Variants in NMU observed in about 807,000 individuals in gnomAD.
NMU encodes neuromedin U.
Under a neutral mutation model 35.4 loss-of-function variants are expected in NMU, and 29 were observed. The ratio of observed to expected loss-of-function variants is 0.82; its 90% CI spans 0.61 to 1.12. The LOEUF (loss-of-function observed/expected upper bound fraction) is 1.12, where lower values mean the gene tolerates loss of function less well. Among genes scored for constraint, NMU ranks in the 50% most tolerant of loss-of-function variants. The pLI is 0.00. For missense variants in NMU, 199 were observed against 206.2 expected, an observed-to-expected ratio of 0.97 and a Z score of 0.21; for synonymous variants, 78 against 81.3, an observed-to-expected ratio of 0.96 and a Z score of 0.22.
chr4:55,625,853 G>A (rs987957631), intron 2 of NMU, among the ~76,000 whole-genome samples: 1 of 151,546 alleles, frequency 6.6e-6, no homozygotes, highest in Non-Finnish European at 1.5e-5. Flanking sequence ...GTTGCTTCAA[G>A]TGCTGTAGTA....
chr4:55,627,002 T>C, intron 2 of NMU, among the ~76,000 whole-genome samples: 1 of 152,228 alleles, frequency 6.6e-6, no homozygotes, highest in Admixed American at 6.5e-5. Context: ...ACCAACTCCC[T>C]TTGGTCCTCA....
At chr4:55,635,029 C>G (rs1715832432) in intron 1 of NMU, among the ~76,000 whole-genome samples, 1 of 152,184 alleles carries the variant, frequency 6.6e-6, no homozygotes, top group Non-Finnish European at 1.5e-5. Context: ...ACTACAGGCT[C>G]TGCAGTTGTG....
chr4:55,610,726 A>G (rs1733898464), intron 3 of NMU, among the ~76,000 whole-genome samples: 1 of 152,240 alleles, frequency 6.6e-6, no homozygotes, highest in South Asian at 2.1e-4. Context: ...TCAATAAATT[A>G]TAAAACATTT....
At chr4:55,602,437 T>G (rs1029063117) in intron 7 of NMU, among the ~76,000 whole-genome samples, 1 of 152,208 alleles carries the variant, frequency 6.6e-6, no homozygotes, top group East Asian at 1.9e-4. Flanking sequence ...ACCCTTAAGA[T>G]CTATCATTTG....
chr4:55,615,089 T>C (rs1560520233), intron 3 of NMU, among the ~76,000 whole-genome samples: 5 of 152,200 alleles, frequency 3.3e-5, no homozygotes, highest in African/African-American at 7.2e-5. Flanking sequence ...GTAGGGAGTA[T>C]GCCGCAGGCG....
chr4:55,595,496 AT>A (rs1166205775), intron 9 of NMU, 85 bp from the exon 10 acceptor site: 1 of 149,168 alleles, frequency 6.7e-6, no homozygotes, highest in Non-Finnish European at 1.5e-5. Flanking sequence ...ATTTCTATAA[AT>A]ATTTTGTCAT....
chr4:55,615,370 G>A (rs1315441616), intron 3 of NMU, among the ~76,000 whole-genome samples: 1 of 152,198 alleles, frequency 6.6e-6, no homozygotes, highest in East Asian at 1.9e-4. Flanking sequence ...TCTCTGCCCT[G>A]TGGCTGAGAA....
At chr4:55,635,368 G>T (rs1191263169) in intron 1 of NMU, among the ~76,000 whole-genome samples, 2 of 152,178 alleles carry the variant, frequency 1.3e-5, no homozygotes, top group Admixed American at 6.5e-5. Flanking sequence ...AGCTCAGCAT[G>T]TCCCTATTGT....
intron 7 of NMU, among the ~76,000 whole-genome samples, chr4:55,602,504 G>A (rs1042848909): frequency 6.6e-6 from 1 of 152,094 alleles, no homozygotes; most frequent in African/African-American, 2.4e-5. Flanking sequence ...GTACTAAACT[G>A]GCCACAATAC....
chr4:55,605,686 A>G (rs569005274), intron 6 of NMU, among the ~76,000 whole-genome samples: 1 of 152,366 alleles, frequency 6.6e-6, no homozygotes, highest in East Asian at 1.9e-4. Context: ...GTCTGTTACT[A>G]GACTTACTCA....
intron 2 of NMU, among the ~76,000 whole-genome samples, chr4:55,625,445 T>C (rs1025433738): frequency 6.6e-6 from 1 of 152,204 alleles, no homozygotes. Flanking sequence ...AGCATGTACC[T>C]AGATATTCTA....
chr4:55,630,595 C>T (rs924378389), intron 1 of NMU, 135 bp from the exon 2 acceptor site: 24 of 717,728 alleles, frequency 3.3e-5, no homozygotes, highest in Non-Finnish European at 4.7e-5. Context: ...AATATTTCAG[C>T]ATTTGACTTA....
At chr4:55,615,787 C>A (rs907660648) in intron 3 of NMU, among the ~76,000 whole-genome samples, 2 of 152,144 alleles carry the variant, frequency 1.3e-5, no homozygotes, top group Non-Finnish European at 2.9e-5. Flanking sequence ...CTCCTCCCAC[C>A]TCCACCCTCT....
chr4:55,629,542 C>T (rs957341699), intron 2 of NMU, among the ~76,000 whole-genome samples: 1 of 147,642 alleles, frequency 6.8e-6, no homozygotes, highest in Non-Finnish European at 1.5e-5. Flanking sequence ...TCGCTTGAAC[C>T]CGGGAGGCGG....
intron 3 of NMU, among the ~76,000 whole-genome samples, chr4:55,609,889 G>T (rs2110194275): frequency 6.6e-6 from 1 of 152,294 alleles, no homozygotes; most frequent in African/African-American, 2.4e-5. Context: ...TATGCATTTT[G>T]GAAGTAATGA....
chr4:55,605,401 G>T (rs368641495), intron 6 of NMU, 52 bp from the exon 7 acceptor site: 2 of 1,252,078 alleles, frequency 1.6e-6, no homozygotes, highest in Non-Finnish European at 2.4e-6. Flanking sequence ...CTCAGCAGTG[G>T]CCATCAAGAC....
intron 9 of NMU, among the ~76,000 whole-genome samples, chr4:55,597,589 C>T (rs546203007): frequency 9.2e-5 from 14 of 152,130 alleles, no homozygotes; most frequent in Admixed American, 3.9e-4. Context: ...GCTGGTCAGG[C>T]TCCCGACCTC....
intron 3 of NMU, among the ~76,000 whole-genome samples, chr4:55,613,601 A>G (rs1285432371): frequency 6.6e-6 from 1 of 152,160 alleles, no homozygotes; most frequent in East Asian, 1.9e-4. Context: ...ATCCCCATTG[A>G]ATCACGCCCC....
chr4:55,636,205 G>C lies in NMU; in HGVS notation c.-13C>G. 2 of 1,478,788 alleles carry C rather than the reference G, an allele frequency of 1.4e-6. No individual in the cohort carries two copies. Among genetic ancestry groups the C allele is most frequent in the Admixed American group, 2.3e-5 (1 of 43,230 alleles). 91.6% of individuals were successfully genotyped at this position (1,478,788 alleles called of 1,614,324 possible). ...CTGTTCGCAGCATCTCGGCGGCTGC[G>C]GGAGGCTCGGTGCTAGGGACGCTGC... On this transcript the variant is annotated 5_prime_UTR_variant, in exon 1 of 10. Transcript: ENST00000264218. The surrounding 1 kb of genome is among the most constrained non-coding windows in gnomAD (Gnocchi z 4.0).
Sources: allele counts gnomAD v4.1 joint callset (sites outside exome capture counted in the v4.1 genomes callset), GRCh38; gene constraint gnomAD v4.1.1; non-coding constraint Gnocchi (gnomAD v3.1); transcripts MANE v1.5; gene names NCBI Gene and HGNC (gene_info 2026-07-23, HGNC 2026-07-21).